The following HTR2C variants were observed in gnomAD, a reference collection of about 807,000 sequenced individuals.
HTR2C encodes the protein 5-hydroxytryptamine receptor 2C.
Under a neutral mutation model 21.0 loss-of-function variants are expected in HTR2C, and 5 were observed. The ratio of observed to expected loss-of-function variants is 0.24; its 90% confidence interval spans 0.12 to 0.50. The LOEUF (loss-of-function observed/expected upper bound fraction) is 0.50, where lower values mean the gene tolerates loss of function less well. Among genes scored for constraint, HTR2C ranks in the 20% least tolerant of loss-of-function variants. HTR2C has a pLI of 0.98. For synonymous variants in HTR2C, 150 were observed against 145.3 expected (o/e 1.03, Z -0.23); for missense variants, 271 against 371.2 (o/e 0.73, Z 2.22).
intron 5 of HTR2C, among the ~76,000 whole-genome samples, chrX:114,894,963 C>G (rs2071285515): frequency 9.0e-6 from 1 of 111,380 alleles, no homozygotes; most frequent in African/African-American, 3.3e-5. Context: ...AAGTGGTCCA[C>G]TCGCCTCAGG....
chrX:114,798,674 G>A (rs1173322715), intron 4 of HTR2C, among the ~76,000 whole-genome samples: 2 of 110,751 alleles, frequency 1.8e-5, no homozygotes, highest in East Asian at 5.7e-4. Flanking sequence ...ATTTAGTTAA[G>A]TGAAAACCCA....
intron 5 of HTR2C, among the ~76,000 whole-genome samples, chrX:114,876,757 G>C (rs1456512076): frequency 1.8e-5 from 2 of 110,368 alleles, no homozygotes; most frequent in African/African-American, 6.6e-5. Context: ...TGCATATGTT[G>C]ACCCATCCTT....
At chrX:114,636,774 G>A (rs1190444374) in intron 2 of HTR2C, among the ~76,000 whole-genome samples, 8 of 112,089 alleles carry the variant, frequency 7.1e-5, no homozygotes, top group African/African-American at 9.7e-5. Context: ...TAAATGGAGA[G>A]AACTCAAGAC....
chrX:114,660,912 T>C (rs7062475), intron 2 of HTR2C, among the ~76,000 whole-genome samples: 1,317 of 112,247 alleles, frequency 0.012, 14 homozygotes, highest in African/African-American at 0.039. Context: ...CAAAGTTGTG[T>C]ATTCTATTTA....
intron 4 of HTR2C, among the ~76,000 whole-genome samples, chrX:114,778,878 C>T (rs782591735): frequency 1.6e-4 from 18 of 111,351 alleles, no homozygotes; most frequent in South Asian, 1.1e-3. Context: ...ACATTAAGTT[C>T]CTGGCTAGTA....
intron 2 of HTR2C, among the ~76,000 whole-genome samples, chrX:114,687,378 A>G (rs1931951849): frequency 8.9e-6 from 1 of 112,393 alleles, no homozygotes; most frequent in Admixed American, 9.5e-5. Context: ...AGAATTTGAA[A>G]GTCTTTCAAC....
intron 2 of HTR2C, among the ~76,000 whole-genome samples, chrX:114,625,867 G>A (rs1398442644): frequency 3.6e-5 from 4 of 111,127 alleles, no homozygotes; most frequent in Non-Finnish European, 7.5e-5. Context: ...GGCCTTACTG[G>A]GTTGTACTCA....
intron 4 of HTR2C, among the ~76,000 whole-genome samples, chrX:114,812,140 CCT>C (rs2070538194): frequency 9.2e-6 from 1 of 108,902 alleles, no homozygotes. Context: ...TTTTTCCCTC[CCT>C]GTGTCCATGT....
chrX:114,770,819 T>TTTG (rs1342670488), intron 4 of HTR2C, among the ~76,000 whole-genome samples: 2 of 103,142 alleles, frequency 1.9e-5, no homozygotes, highest in Non-Finnish European at 4.0e-5. Flanking sequence ...TTTTTTTTTT[T>TTTG]GAGGTAGGGT....
rs1224258918 is a variant in HTR2C, at chrX:114,907,594, T to C, written c.*179T>C. On this transcript the variant is annotated 3_prime_UTR_variant, in exon 6 of 6. Transcript: ENST00000276198. ...CCTACATTAGTGAGATTTAGGGTTC[T>C]ATATTTACTGTTTATAATAGGTGGA... The C allele has an allele frequency of 2.6e-6, 1 of 386,887 alleles. No homozygotes were observed. The highest frequency in any genetic ancestry group is 2.5e-5 in the African/African-American group (1 of 39,768). 31.9% of individuals were successfully genotyped at this position (386,887 alleles called of 1,213,427 possible).
chrX:114,627,045 AT>A (rs1201425987), intron 2 of HTR2C, among the ~76,000 whole-genome samples: 20 of 110,833 alleles, frequency 1.8e-4, no homozygotes, highest in East Asian at 8.5e-4. Context: ...TAAATCCAAG[AT>A]TTTTTTTTGA....
At chrX:114,906,079 T>C (rs1403600905) in intron 5 of HTR2C, among the ~76,000 whole-genome samples, 1 of 112,221 alleles carries the variant, frequency 8.9e-6, no homozygotes, top group African/African-American at 3.2e-5. Context: ...GTAGTTAGAC[T>C]CAGCCCAGCC....
Position 114,851,604 on chromosome X carries a change from G to T in HTR2C, c.550+3401G>T, listed in dbSNP as rs782725003. 2.7e-5 allele frequency among the ~76,000 whole-genome samples: 3 copies of T among 111,298 alleles called. No homozygotes were observed. The Admixed American group carries it at 2.9e-4, about 11-fold the overall frequency. Reference sequence around the variant, plus strand: ...TCTTTGTTATTTATTAGTTCATGTTGGTGGAGACTCCTGGATTCTTTTGTA... The same window carrying T: ...TCTTTGTTATTTATTAGTTCATGTTTGTGGAGACTCCTGGATTCTTTTGTA... On this transcript the variant is annotated intron_variant, in intron 5 of 5. Coordinates refer to ENST00000276198, the MANE Select transcript of HTR2C (RefSeq NM_000868.4).
chrX:114,891,281 G>A (rs1464984811), intron 5 of HTR2C, among the ~76,000 whole-genome samples: 5 of 110,539 alleles, frequency 4.5e-5, no homozygotes, highest in Admixed American at 9.7e-5. Flanking sequence ...GACCAAGCAT[G>A]GTCTATTTAT....
intron 5 of HTR2C, among the ~76,000 whole-genome samples, chrX:114,902,371 A>C (rs138330178): frequency 0.024 from 2,610 of 111,000 alleles, 89 homozygotes; most frequent in African/African-American, 0.082. Flanking sequence ...ATACTCTTCA[A>C]AATAATCGAG....
At chrX:114,724,039 G>A (rs1338653787) in intron 2 of HTR2C, among the ~76,000 whole-genome samples, 67 of 102,585 alleles carry the variant, frequency 6.5e-4, no homozygotes, top group African/African-American at 2.2e-3. Context: ...GGTCCTCTTG[G>A]TGCAGAGCTG....
At chrX:114,838,861 A>G (rs2070809809) in intron 4 of HTR2C, among the ~76,000 whole-genome samples, 2 of 112,236 alleles carry the variant, frequency 1.8e-5, no homozygotes, top group South Asian at 7.4e-4. Context: ...TACTGACCCA[A>G]TGGAGCTTAT....
chrX:114,838,464 A>G (rs1252058902), intron 4 of HTR2C, among the ~76,000 whole-genome samples: 2 of 112,271 alleles, frequency 1.8e-5, no homozygotes, highest in African/African-American at 3.2e-5. Flanking sequence ...AATTGTCTAC[A>G]TTACTTCATG....
intron 2 of HTR2C, among the ~76,000 whole-genome samples, chrX:114,625,030 C>T (rs782798390): frequency 9.0e-6 from 1 of 111,727 alleles, no homozygotes; most frequent in East Asian, 2.8e-4. Context: ...CATAAAACCT[C>T]CAAATTTCAA....
Sources: allele counts gnomAD v4.1 joint callset (sites outside exome capture counted in the v4.1 genomes callset), GRCh38; gene constraint gnomAD v4.1.1; transcripts MANE v1.5; gene names NCBI Gene and HGNC (gene_info 2026-07-23, HGNC 2026-07-21).